STARD13: variants seen among roughly 807,000 people sequenced by gnomAD.
STARD13 encodes stAR-related lipid transfer protein 13.
Under a neutral mutation model 106.4 loss-of-function variants are expected in STARD13, and 62 were observed. The observed-to-expected ratio is 0.58, with a 90% CI of 0.48 to 0.72. STARD13 has a LOEUF of 0.72. Ranked by LOEUF, STARD13 falls within the 30% of genes least tolerant of loss-of-function variation. The pLI, the probability that STARD13 is intolerant of heterozygous loss-of-function variation, is 0.00. For synonymous variants in STARD13, 565 were observed against 553.0 expected (o/e 1.02, Z -0.31); for missense variants, 1,387 against 1,424.0 (o/e 0.97, Z 0.42).
the STARD13 span, among the ~76,000 whole-genome samples, chr13:33,384,063 C>A: frequency 6.6e-6 from 1 of 152,136 alleles, no homozygotes; most frequent in Non-Finnish European, 1.5e-5. Flanking sequence ...GTGTCACCTG[C>A]AAGATAAATT....
At chr13:33,344,394 G>T (rs1351943982), downstream of STARD13, among the ~76,000 whole-genome samples, 2 of 152,164 alleles carry the variant, frequency 1.3e-5, no homozygotes, top group Non-Finnish European at 2.9e-5. Flanking sequence ...AGAATAGAAT[G>T]GTCAATTCTA....
At chr13:33,142,461 T>G in intron 3 of STARD13, 88 bp from the exon 4 acceptor site, 1 of 1,221,466 alleles carries the variant, frequency 8.2e-7, no homozygotes, top group Non-Finnish European at 1.2e-6. Flanking sequence ...TCCAGTAAAG[T>G]TGAAACTGCA....
chr13:33,402,921 C>T, the STARD13 span, among the ~76,000 whole-genome samples: 4 of 152,240 alleles, frequency 2.6e-5, no homozygotes, highest in Non-Finnish European at 5.9e-5. Context: ...CGCATTCATC[C>T]TTCAAGCCCG....
chr13:33,134,487 C>A (rs765216238), intron 4 of STARD13, among the ~76,000 whole-genome samples: 1 of 152,128 alleles, frequency 6.6e-6, no homozygotes, highest in Non-Finnish European at 1.5e-5. Flanking sequence ...AAGCATGTCT[C>A]AAGGTTATGA....
intron 1 of STARD13, among the ~76,000 whole-genome samples, chr13:33,229,156 A>G (rs1405149718): frequency 6.6e-6 from 1 of 152,192 alleles, no homozygotes; most frequent in African/African-American, 2.4e-5. Context: ...CTCAATCTAA[A>G]AGGCATGCAA....
At chr13:33,492,715 A>C in the STARD13 span, among the ~76,000 whole-genome samples, 2 of 152,184 alleles carry the variant, frequency 1.3e-5, no homozygotes, top group African/African-American at 4.8e-5. Context: ...TAATCAAGAA[A>C]TAACCATAAA....
At chr13:33,493,828 A>G in the STARD13 span, among the ~76,000 whole-genome samples, 1 of 152,208 alleles carries the variant, frequency 6.6e-6, no homozygotes, top group Non-Finnish European at 1.5e-5. Context: ...AAACTTGTAC[A>G]TTCACAGAAA....
intron 1 of STARD13, among the ~76,000 whole-genome samples, chr13:33,213,447 A>T (rs1226818310): frequency 6.6e-6 from 1 of 152,254 alleles, no homozygotes. Context: ...GACATAAGGG[A>T]TAAACAAAAT....
the STARD13 span, among the ~76,000 whole-genome samples, chr13:33,514,501 C>A: frequency 7.2e-5 from 11 of 151,918 alleles, no homozygotes; most frequent in African/African-American, 2.7e-4. Flanking sequence ...GAGAGGGTGG[C>A]GGTCAAAAGT....
the STARD13 span, among the ~76,000 whole-genome samples, chr13:33,356,841 TG>T: frequency 6.6e-6 from 1 of 152,210 alleles, no homozygotes; most frequent in Non-Finnish European, 1.5e-5. Flanking sequence ...AAACTAGCAC[TG>T]GATGTGGGAG....
the STARD13 span, among the ~76,000 whole-genome samples, chr13:33,473,848 C>T: frequency 6.6e-6 from 1 of 152,142 alleles, no homozygotes; most frequent in Non-Finnish European, 1.5e-5. Flanking sequence ...TTTGTGGGCC[C>T]AGACAGCAGG....
chr13:33,192,092 C>T (rs1428538627), intron 1 of STARD13, among the ~76,000 whole-genome samples: 1 of 152,148 alleles, frequency 6.6e-6, no homozygotes, highest in African/African-American at 2.4e-5. Context: ...GCAATTAACC[C>T]GGTGTTAGGC....
intron 1 of STARD13, among the ~76,000 whole-genome samples, chr13:33,217,540 G>A (rs994932725): frequency 5.9e-5 from 9 of 152,218 alleles, no homozygotes; most frequent in Non-Finnish European, 1.2e-4. Context: ...GCACACAGGG[G>A]AAGGGGGCCT....
At chr13:33,132,494 T>C (rs1878461420) in intron 4 of STARD13, among the ~76,000 whole-genome samples, 2 of 152,220 alleles carry the variant, frequency 1.3e-5, no homozygotes, top group Admixed American at 6.5e-5. Flanking sequence ...TACATGAAAC[T>C]GTGAGTCCAT....
At chr13:33,300,518 A>C (rs1193002977) in intron 1 of STARD13, among the ~76,000 whole-genome samples, 5 of 152,206 alleles carry the variant, frequency 3.3e-5, no homozygotes, top group Admixed American at 6.5e-5. Flanking sequence ...TTCTCTGGAG[A>C]GTATTTTATG....
At chr13:33,591,859 T>A in the STARD13 span, among the ~76,000 whole-genome samples, 1 of 152,226 alleles carries the variant, frequency 6.6e-6, no homozygotes, top group East Asian at 1.9e-4. Flanking sequence ...AGCTTTGACC[T>A]ACTCAACAAA....
chr13:33,359,936 C>T, the STARD13 span, among the ~76,000 whole-genome samples: 26 of 152,124 alleles, frequency 1.7e-4, no homozygotes, highest in African/African-American at 5.1e-4. Flanking sequence ...CCTTGGAAAA[C>T]GTCTGGTTAT....
chr13:33,497,832 T>A, the STARD13 span, among the ~76,000 whole-genome samples: 1 of 152,166 alleles, frequency 6.6e-6, no homozygotes, highest in African/African-American at 2.4e-5. Context: ...CGTCCTGGCA[T>A]ATACAACCCT....
chr13:33,188,872 T>C (rs900371412), intron 1 of STARD13, among the ~76,000 whole-genome samples: 1 of 152,252 alleles, frequency 6.6e-6, no homozygotes, highest in Admixed American at 6.5e-5. Flanking sequence ...AAAGACACTT[T>C]GCCTTAATAA....
Sources: gnomAD v4.1 joint callset for allele counts (sites outside exome capture counted in the v4.1 genomes callset) on GRCh38, gnomAD v4.1.1 for gene constraint, MANE v1.5 for transcripts, NCBI Gene and HGNC (gene_info 2026-07-23, HGNC 2026-07-21) for gene names.